AGMO: variants seen among roughly 807,000 people sequenced by gnomAD.
AGMO encodes alkylglycerol monooxygenase.
In AGMO, 75 loss-of-function variants were observed where a neutral mutation model predicts 60.2. The ratio of observed to expected loss-of-function variants is 1.25; its 90% confidence interval spans 1.03 to 1.51. The LOEUF (loss-of-function observed/expected upper bound fraction) is 1.51, where lower values mean the gene tolerates loss of function less well. Ranked by LOEUF, AGMO falls within the 40% of genes most tolerant of loss-of-function variation. The probability of loss-of-function intolerance (pLI) is 0.00; values close to 1 mark genes in which losing one functional copy is unlikely to be tolerated. For missense variants in AGMO, 763 were observed against 525.5 expected (o/e 1.45, Z -4.42); for synonymous variants, 261 against 177.1 (o/e 1.47, Z -3.76).
intron 5 of AGMO, among the ~76,000 whole-genome samples, chr7:15,406,281 CATATGTGTGTATATATATGGAAT>C (rs1784684113): frequency 8.0e-6 from 1 of 124,244 alleles, no homozygotes; most frequent in Non-Finnish European, 1.7e-5. Context: ...TACATGTACA[CATATGTGTGTATATATATGGAAT>C]ATACATATAT....
chr7:15,385,770 CA>C (rs1396173661), intron 9 of AGMO, among the ~76,000 whole-genome samples: 7 of 152,234 alleles, frequency 4.6e-5, no homozygotes, highest in African/African-American at 1.7e-4. Context: ...TAAAGAGCAG[CA>C]TAAGAACTAA....
chr7:15,307,119 T>C (rs1038049539), intron 12 of AGMO, among the ~76,000 whole-genome samples: 1 of 152,054 alleles, frequency 6.6e-6, no homozygotes, highest in Non-Finnish European at 1.5e-5. Context: ...CTAGTAATGA[T>C]GATGACATTC....
At chr7:15,194,584 G>A in the AGMO span, among the ~76,000 whole-genome samples, 1 of 152,094 alleles carries the variant, frequency 6.6e-6, no homozygotes, top group African/African-American at 2.4e-5. Flanking sequence ...TGTGCAATCA[G>A]TAATATCACT....
chr7:15,166,276 G>A, the AGMO span, among the ~76,000 whole-genome samples: 4 of 152,178 alleles, frequency 2.6e-5, no homozygotes, highest in Non-Finnish European at 2.9e-5. Context: ...GACTTGAGAT[G>A]AATGAAGAGT....
chr7:15,129,561 A>C, the AGMO span, among the ~76,000 whole-genome samples: 1,066 of 152,280 alleles, frequency 7.0e-3, 22 homozygotes, highest in African/African-American at 0.025. Context: ...GGTAAAGTCC[A>C]TATTACTAAA....
chr7:15,469,487 G>A (rs1186934785), intron 3 of AGMO, among the ~76,000 whole-genome samples: 2 of 152,074 alleles, frequency 1.3e-5, no homozygotes, highest in South Asian at 2.1e-4. Context: ...ACACACATGG[G>A]CTCAGCCACC....
Position 15,201,236 on chromosome 7 carries a change from A to G in AGMO, c.*49T>C. On this transcript the variant is annotated 3_prime_UTR_variant, in exon 13 of 13. Transcript: ENST00000342526. ...TTACATTTTAATATGCAGTCATAATATGCGTGTGGACAACTCATTAAAAGA... is the reference window on the plus strand; with the variant it reads ...TTACATTTTAATATGCAGTCATAATGTGCGTGTGGACAACTCATTAAAAGA... 1.6e-6 allele frequency: 2 copies of G among 1,236,640 alleles called. No individual in the cohort carries two copies. The highest frequency in any genetic ancestry group is 2.4e-5 in the East Asian group (1 of 42,390). The allele number at this position is 1,236,640 out of a possible 1,614,324, so 76.6% of individuals were successfully genotyped here.
chr7:15,333,206 G>A (rs1038226326), intron 12 of AGMO, among the ~76,000 whole-genome samples: 2 of 152,104 alleles, frequency 1.3e-5, no homozygotes, highest in African/African-American at 4.8e-5. Flanking sequence ...TCAAGACTCA[G>A]CAACAATCCA....
intron 9 of AGMO, among the ~76,000 whole-genome samples, 154 bp downstream of exon 9, chr7:15,387,252 T>C (rs1220898047): frequency 6.6e-6 from 1 of 152,216 alleles, no homozygotes; most frequent in Non-Finnish European, 1.5e-5. Flanking sequence ...AGTTGGTGGA[T>C]ACTCATTAAG....
chr7:15,152,465 G>A, the AGMO span, among the ~76,000 whole-genome samples: 1 of 152,080 alleles, frequency 6.6e-6, no homozygotes, highest in Non-Finnish European at 1.5e-5. Context: ...TGTACCCAGT[G>A]CGTAGTCTAG....
intron 12 of AGMO, among the ~76,000 whole-genome samples, chr7:15,280,337 C>T (rs1783926421): frequency 6.6e-6 from 1 of 151,614 alleles, no homozygotes; most frequent in African/African-American, 2.4e-5. Context: ...ACTCCCCACT[C>T]CCTGTGCCAA....
rs780010549 is a variant in AGMO at position 15,560,384 on chromosome 7, G to A, written c.127-113C>T. On this transcript the variant is annotated intron_variant, in intron 1 of 12. Coordinates refer to ENST00000342526, the MANE Select transcript of AGMO (RefSeq NM_001004320.2). The stretch of plus-strand genomic sequence containing the variant: ...GGCCCAGATTTGGGAAGCCCTGCAG[G>A]AGATGGTAGACACTCATTTTAGAGG... 6.3e-6 allele frequency: 7 copies of A among 1,105,274 alleles called. No homozygotes were observed. In the Admixed American group the frequency reaches 1.3e-4, roughly 21 times the overall value. The allele number at this position is 1,105,274 out of a possible 1,614,324, so 68.5% of individuals were successfully genotyped here.
At chr7:15,285,937 T>C (rs777360562) in intron 12 of AGMO, among the ~76,000 whole-genome samples, 2 of 151,952 alleles carry the variant, frequency 1.3e-5, no homozygotes, top group Non-Finnish European at 2.9e-5. Context: ...CAACCAAAAC[T>C]GAGGCTTGAG....
chr7:15,373,671 TA>T (rs1783318701), intron 10 of AGMO, among the ~76,000 whole-genome samples: 1 of 152,168 alleles, frequency 6.6e-6, no homozygotes, highest in Non-Finnish European at 1.5e-5. Flanking sequence ...CACTACATCC[TA>T]AAATAACAGT....
chr7:15,294,565 A>T (rs1473709793), intron 12 of AGMO, among the ~76,000 whole-genome samples: 1 of 152,038 alleles, frequency 6.6e-6, no homozygotes, highest in African/African-American at 2.4e-5. Flanking sequence ...GTATTTTTAA[A>T]GGTCTTAAAA....
intron 12 of AGMO, among the ~76,000 whole-genome samples, chr7:15,344,744 C>G (rs1029997378): frequency 2.0e-5 from 3 of 152,100 alleles, no homozygotes; most frequent in Non-Finnish European, 4.4e-5. Flanking sequence ...ATTTTCTTTG[C>G]TCTCAAGAGA....
intron 3 of AGMO, among the ~76,000 whole-genome samples, chr7:15,473,105 G>A (rs1390288479): frequency 2.0e-5 from 3 of 151,752 alleles, no homozygotes; most frequent in African/African-American, 7.3e-5. Flanking sequence ...CACAATCAAA[G>A]AATACTATAA....
At chr7:15,322,639 T>C (rs867696166) in intron 12 of AGMO, among the ~76,000 whole-genome samples, 1 of 62,376 alleles carries the variant, frequency 1.6e-5, no homozygotes, top group Non-Finnish European at 2.6e-5. Context: ...TAAATATATA[T>C]AAATATATAA....
intron 9 of AGMO, among the ~76,000 whole-genome samples, chr7:15,386,390 A>G (rs1355658849): frequency 6.6e-6 from 1 of 152,198 alleles, no homozygotes. Context: ...CAGCACTCAC[A>G]TAACTTTAAA....
Sources: allele counts gnomAD v4.1 joint callset (sites outside exome capture counted in the v4.1 genomes callset), GRCh38; gene constraint gnomAD v4.1.1; transcripts MANE v1.5; gene names NCBI Gene and HGNC (gene_info 2026-07-23, HGNC 2026-07-21).